The following FRMD4B variants were observed in gnomAD, a reference collection of about 807,000 sequenced individuals.
The protein encoded by FRMD4B is FERM domain containing 4B.
A neutral mutation model predicts 141.5 loss-of-function variants in FRMD4B; 74 were observed. That is an observed-to-expected ratio of 0.52 (90% confidence interval 0.43 to 0.63). FRMD4B has a LOEUF of 0.63. Among genes scored for constraint, FRMD4B ranks in the 30% least tolerant of loss-of-function variants. The pLI is 0.00. For missense variants in FRMD4B, 1,366 were observed against 1,253.4 expected (o/e 1.09, Z -1.36); for synonymous variants, 506 against 467.9 (o/e 1.08, Z -1.05).
At chr3:69,361,484 A>G (rs1200418984) in intron 1 of FRMD4B, among the ~76,000 whole-genome samples, 1 of 152,112 alleles carries the variant, frequency 6.6e-6, no homozygotes, top group Non-Finnish European at 1.5e-5. Flanking sequence ...AAACTTTTCC[A>G]GAAAGCTACC....
chr3:69,271,929 T>G (rs966586347), intron 5 of FRMD4B, among the ~76,000 whole-genome samples: 1 of 152,044 alleles, frequency 6.6e-6, no homozygotes, highest in Admixed American at 6.5e-5. Flanking sequence ...GAGCCGAGAT[T>G]GTGCCACTGC....
rs537712478 is a variant in FRMD4B, at chr3:69,234,040, AGTTCCAGACCAGCCTGGCCAAATGGT to A, written c.582-9376_582-9351del. ...GGCTAGCAGATCACTTGAGGTCAGG[AGTTCCAGACCAGCCTGGCCAAATGGT>A]GAAACTCCGTCTCTACTTAAAATAC... On this transcript the variant is annotated intron_variant, in intron 7 of 22. Coordinates refer to ENST00000398540, the MANE Select transcript of FRMD4B (RefSeq NM_015123.3). Among the ~76,000 whole-genome samples the A allele has an allele frequency of 1.1e-3, 164 of 152,270 alleles. No individual in the cohort carries two copies. The East Asian group carries it at 0.022, about 20-fold the overall frequency.
At chr3:69,351,857 T>C (rs1703161604) in intron 1 of FRMD4B, among the ~76,000 whole-genome samples, 1 of 152,200 alleles carries the variant, frequency 6.6e-6, no homozygotes, top group Non-Finnish European at 1.5e-5. Context: ...TTACAAGGTT[T>C]CTTCTGGTTT....
At chr3:69,267,312 G>A (rs1468903867) in intron 5 of FRMD4B, among the ~76,000 whole-genome samples, 1 of 152,064 alleles carries the variant, frequency 6.6e-6, no homozygotes, top group East Asian at 1.9e-4. Flanking sequence ...GATTATAAAG[G>A]AGACTTTAGA....
At chr3:69,529,717 T>C (rs1700985544) in intron 1 of FRMD4B, among the ~76,000 whole-genome samples, 1 of 152,252 alleles carries the variant, frequency 6.6e-6, no homozygotes, top group Non-Finnish European at 1.5e-5. Flanking sequence ...TAGATAGTGC[T>C]TATTGTGTCC....
chr3:69,406,274 C>A (rs1199820459), intron 2 of FRMD4B, among the ~76,000 whole-genome samples: 1 of 152,218 alleles, frequency 6.6e-6, no homozygotes, highest in African/African-American at 2.4e-5. Flanking sequence ...ATTTAATGAA[C>A]AATGGCTCTT....
At chr3:69,271,108 T>C (rs1477520909) in intron 5 of FRMD4B, among the ~76,000 whole-genome samples, 3 of 152,206 alleles carry the variant, frequency 2.0e-5, no homozygotes, top group Non-Finnish European at 4.4e-5. Context: ...TTGTAGCCCA[T>C]TTCTGAGACC....
intron 7 of FRMD4B, among the ~76,000 whole-genome samples, chr3:69,245,834 G>GTTTTTTTTTTTTT (rs1183774603): frequency 2.6e-5 from 2 of 78,358 alleles, no homozygotes; most frequent in Admixed American, 1.5e-4. Flanking sequence ...AGGCTAATTT[G>GTTTTTTTTTTTTT]TTTTTTTTTT....
In FRMD4B at chr3:69,470,100, G is replaced by A. The variant is rs1705862962; in HGVS notation, c.-128-37339C>T. ...ATTTTGGATCGGTATTCTCCAAAGA[G>A]ATTACTTTTGCAGAAAACAAGTTTA... On this transcript the variant is annotated intron_variant, in intron 1 of 5. Transcript: ENST00000459638. 1.3e-5 allele frequency among the ~76,000 whole-genome samples: 2 copies of A among 152,154 alleles called. 1 individual carries two copies. Among genetic ancestry groups the A allele is most frequent in the Admixed American group, 1.3e-4 (2 of 15,270 alleles).
At chr3:69,315,086 T>C (rs939114537) in intron 1 of FRMD4B, among the ~76,000 whole-genome samples, 1 of 152,206 alleles carries the variant, frequency 6.6e-6, no homozygotes, top group Admixed American at 6.5e-5. Context: ...CCCCCTACTT[T>C]TAGTCCACCA....
chr3:69,182,744 GA>G, intron 19 of FRMD4B, 27 bp from the exon 20 acceptor site: 1 of 1,608,020 alleles, frequency 6.2e-7, no homozygotes, highest in Non-Finnish European at 8.5e-7. Flanking sequence ...AAGAATTCAG[GA>G]AATGATGAGT....
chr3:69,460,458 T>C (rs1330597499), intron 1 of FRMD4B, among the ~76,000 whole-genome samples: 1 of 152,202 alleles, frequency 6.6e-6, no homozygotes, highest in Non-Finnish European at 1.5e-5. Context: ...ACTTCACTCT[T>C]TGGGGCTCTT....
intron 1 of FRMD4B, among the ~76,000 whole-genome samples, chr3:69,433,587 A>G (rs1330018413): frequency 6.6e-6 from 1 of 152,232 alleles, no homozygotes; most frequent in East Asian, 1.9e-4. Context: ...CACAAGAAGC[A>G]GGAAGTCAAG....
chr3:69,318,573 G>A (rs116381989), intron 1 of FRMD4B, among the ~76,000 whole-genome samples: 2,815 of 152,260 alleles, frequency 0.018, 35 homozygotes, highest in South Asian at 0.056. Flanking sequence ...ACATGTCCGC[G>A]CAGCACACAT....
intron 5 of FRMD4B, among the ~76,000 whole-genome samples, chr3:69,263,350 ATCT>A (rs1426853414): frequency 6.0e-5 from 9 of 150,432 alleles, no homozygotes; most frequent in South Asian, 4.2e-4. Context: ...GGTGCCAGTA[ATCT>A]TCTGTTTCCT....
chr3:69,483,351 G>C (rs1398303742), intron 1 of FRMD4B, among the ~76,000 whole-genome samples: 1 of 152,120 alleles, frequency 6.6e-6, no homozygotes, highest in African/African-American at 2.4e-5. Flanking sequence ...CTTTCCTTCA[G>C]TCCAAGATTG....
intron 1 of FRMD4B, among the ~76,000 whole-genome samples, chr3:69,465,949 T>C (rs1020835593): frequency 6.6e-6 from 1 of 152,292 alleles, no homozygotes; most frequent in East Asian, 1.9e-4. Flanking sequence ...TAGTTCTAGA[T>C]CCTTAAGGAA....
intron 1 of FRMD4B, among the ~76,000 whole-genome samples, chr3:69,376,078 A>G (rs1384931): frequency 0.93 from 141,990 of 152,184 alleles, 66,241 homozygotes; most frequent in East Asian, 0.97. Flanking sequence ...ACATATATAA[A>G]TTTTACAGAC....
In FRMD4B at chr3:69,438,445, A is replaced by G. The variant is rs6808377; in HGVS notation, c.-128-5684T>C. Among the ~76,000 whole-genome samples the G allele has an allele frequency of 7.2e-3, 1,101 of 152,234 alleles. 13 individuals carry two copies. The highest frequency in any genetic ancestry group is 0.025 in the African/African-American group (1,057 of 41,518). ...TTACCACAATAAAAATATGTTCAAG[A>G]CAAAAAAGGATATAGAAGCAAAATT... is the stretch of plus-strand genomic sequence containing the variant. On this transcript the variant is annotated intron_variant, in intron 1 of 5. Transcript: ENST00000459638.
Sources: gnomAD v4.1 joint callset for allele counts (sites outside exome capture counted in the v4.1 genomes callset) on GRCh38, gnomAD v4.1.1 for gene constraint, MANE v1.5 for transcripts, NCBI Gene and HGNC (gene_info 2026-07-23, HGNC 2026-07-21) for gene names.